Variants in RARB observed in about 807,000 individuals in gnomAD.
The protein encoded by RARB is HBV-activated protein.
Under a neutral mutation model 51.9 loss-of-function variants are expected in RARB, and 17 were observed. The observed-to-expected ratio is 0.33, with a 90% CI of 0.22 to 0.49. The LOEUF (loss-of-function observed/expected upper bound fraction) is 0.49, where lower values mean the gene tolerates loss of function less well. Ranked by LOEUF, RARB falls within the 20% of genes least tolerant of loss-of-function variation. RARB has a pLI of 0.99. For synonymous variants in RARB, 215 were observed against 195.4 expected (o/e 1.10, Z -0.84); for missense variants, 369 against 550.8 (o/e 0.67, Z 3.30).
chr3:24,848,986 C>T (rs967592515), intron 1 of RARB, among the ~76,000 whole-genome samples: 1 of 152,230 alleles, frequency 6.6e-6, no homozygotes, highest in African/African-American at 2.4e-5. Context: ...ATCTACCTGT[C>T]TGCTTACACT....
intron 5 of RARB, among the ~76,000 whole-genome samples, chr3:25,191,011 G>A (rs944245960): frequency 6.6e-6 from 1 of 152,018 alleles, no homozygotes; most frequent in African/African-American, 2.4e-5. Context: ...TTCCTCCTTA[G>A]GTTCACGTTT....
intron 2 of RARB, among the ~76,000 whole-genome samples, chr3:25,492,684 T>C (rs1364618815): frequency 3.3e-5 from 5 of 151,540 alleles, no homozygotes; most frequent in Non-Finnish European, 5.9e-5. Flanking sequence ...TTTACAGTGA[T>C]GATGTTTTGC....
At chr3:25,176,336 TC>T (rs773920299) in intron 5 of RARB, among the ~76,000 whole-genome samples, 19,519 of 75,122 alleles carry the variant, frequency 0.26, 3,739 homozygotes, top group South Asian at 0.45. Flanking sequence ...TTTCTTTCTT[TC>T]CTTCCTTCCT....
intron 1 of RARB, among the ~76,000 whole-genome samples, chr3:24,836,355 A>G (rs184689797): frequency 6.6e-6 from 1 of 152,314 alleles, no homozygotes; most frequent in East Asian, 1.9e-4. Context: ...AGTTTCAAAT[A>G]TGACTCCTGT....
chr3:25,175,054 A>G lies in RARB; in HGVS notation c.178+479A>G, dbSNP rs139035815. 4.6e-4 allele frequency among the ~76,000 whole-genome samples: 70 copies of G among 152,288 alleles called. 1 individual carries two copies. The East Asian group carries it at 0.013, about 28-fold the overall frequency. On this transcript the variant is annotated intron_variant, in intron 5 of 11. Transcript: ENST00000383772. ...AACTTCCCATAGACCTTTGCTACCA[A>G]TTCATATCACATTAAGCTTTTTTAG...
chr3:25,200,774 G>T (rs1433497989), intron 5 of RARB, among the ~76,000 whole-genome samples: 1 of 152,008 alleles, frequency 6.6e-6, no homozygotes, highest in African/African-American at 2.4e-5. Context: ...TTATTTCTGA[G>T]GGCTCTGTTC....
At chr3:25,020,578 A>G (rs1477567182) in intron 2 of RARB, 1 of 152,122 alleles carries the variant, frequency 6.6e-6, no homozygotes, top group Non-Finnish European at 1.5e-5. Flanking sequence ...TTAAATACCT[A>G]TGGTGGTCAC....
intron 2 of RARB, among the ~76,000 whole-genome samples, chr3:25,006,554 T>A (rs1485388306): frequency 1.3e-5 from 2 of 152,198 alleles, no homozygotes; most frequent in Admixed American, 6.6e-5. Context: ...CACAAGACTT[T>A]GCAAACTTCA....
intron 2 of RARB, among the ~76,000 whole-genome samples, chr3:25,492,637 G>A (rs1696795442): frequency 6.6e-6 from 1 of 152,158 alleles, no homozygotes; most frequent in Admixed American, 6.5e-5. Flanking sequence ...CAAAATCCAG[G>A]AAAATGCTGT....
intron 2 of RARB, among the ~76,000 whole-genome samples, chr3:24,934,522 T>C (rs1695509583): frequency 6.6e-6 from 1 of 152,144 alleles, no homozygotes; most frequent in Non-Finnish European, 1.5e-5. Context: ...ATAAATTATA[T>C]AAGAATAAGC....
At chr3:25,309,129 A>ATTTTTTTT (rs1171133293) in intron 5 of RARB, among the ~76,000 whole-genome samples, 1 of 93,008 alleles carries the variant, frequency 1.1e-5, no homozygotes, top group Non-Finnish European at 2.0e-5. Context: ...CTGTGCCTCC[A>ATTTTTTTT]TTTTTTTTTT....
At chr3:25,430,788 A>G (rs1293857282) in intron 1 of RARB, among the ~76,000 whole-genome samples, 1 of 152,146 alleles carries the variant, frequency 6.6e-6, no homozygotes, top group Admixed American at 6.5e-5. Context: ...CCAGTGTCTT[A>G]TTTTTGTAAG....
chr3:25,332,255 A>G (rs1704922324), intron 5 of RARB, among the ~76,000 whole-genome samples: 1 of 152,220 alleles, frequency 6.6e-6, no homozygotes, highest in African/African-American at 2.4e-5. Context: ...TCCCTGATGA[A>G]CATCGATGCA....
At chr3:25,410,559 T>C (rs1477931717) in intron 5 of RARB, among the ~76,000 whole-genome samples, 2 of 152,350 alleles carry the variant, frequency 1.3e-5, no homozygotes, top group East Asian at 1.9e-4. Context: ...TTCAGACTTG[T>C]TTATTTTCTT....
intron 3 of RARB, among the ~76,000 whole-genome samples, chr3:25,504,686 A>G (rs140490638): frequency 1.3e-5 from 2 of 152,110 alleles, no homozygotes; most frequent in East Asian, 3.9e-4. Context: ...AAAAAGAAGG[A>G]TAAAACTGAG....
intron 1 of RARB, among the ~76,000 whole-genome samples, chr3:24,844,194 G>T (rs1017710362): frequency 3.3e-5 from 5 of 152,202 alleles, no homozygotes; most frequent in Admixed American, 2.0e-4. Flanking sequence ...GGGAGGAGGG[G>T]TTTGCTCTCT....
intron 2 of RARB, among the ~76,000 whole-genome samples, chr3:24,916,647 G>A (rs564382332): frequency 2.0e-5 from 3 of 151,600 alleles, no homozygotes; most frequent in African/African-American, 7.3e-5. Flanking sequence ...AATCTTCTGT[G>A]TTGCTCATGT....
chr3:25,530,151 A>G (rs1025627376), intron 3 of RARB, among the ~76,000 whole-genome samples: 1 of 152,090 alleles, frequency 6.6e-6, no homozygotes, highest in African/African-American at 2.4e-5. Context: ...TCTACCCCTT[A>G]TATCCCCTGG....
At chr3:25,192,414 T>A (rs1428139598) in intron 5 of RARB, among the ~76,000 whole-genome samples, 1 of 152,098 alleles carries the variant, frequency 6.6e-6, no homozygotes, top group Non-Finnish European at 1.5e-5. Context: ...TGATGGAGCA[T>A]AAGATACACC....
Sources: gnomAD v4.1 joint callset for allele counts (sites outside exome capture counted in the v4.1 genomes callset) on GRCh38, gnomAD v4.1.1 for gene constraint, MANE v1.5 for transcripts, NCBI Gene and HGNC (gene_info 2026-07-23, HGNC 2026-07-21) for gene names.